The following CDH13 variants were observed in gnomAD, a reference collection of about 807,000 sequenced individuals.
CDH13 encodes the protein cadherin-13.
Under a neutral mutation model 63.8 loss-of-function variants are expected in CDH13, and 24 were observed. The observed-to-expected ratio is 0.38, with a 90% confidence interval of 0.27 to 0.53. CDH13 has a LOEUF of 0.53. CDH13 is among the 20% of genes least tolerant of loss of function. The pLI is 0.85. For synonymous variants in CDH13, 503 were observed against 355.3 expected (o/e 1.42, Z -4.67); for missense variants, 1,049 against 903.1 (o/e 1.16, Z -2.07).
chr16:83,649,262 T>C (rs181455046), intron 8 of CDH13, among the ~76,000 whole-genome samples: 185 of 152,362 alleles, frequency 1.2e-3, no homozygotes, highest in Non-Finnish European at 1.8e-3. Flanking sequence ...GAACAGTATG[T>C]TTTCTACTGT....
intron 1 of CDH13, among the ~76,000 whole-genome samples, chr16:82,699,748 C>G (rs530478121): frequency 6.6e-6 from 1 of 152,058 alleles, no homozygotes; most frequent in East Asian, 1.9e-4. Context: ...AACAGTGCCA[C>G]AGAACAAACG....
At chr16:83,704,794 T>C (rs1906760739) in intron 10 of CDH13, among the ~76,000 whole-genome samples, 1 of 152,224 alleles carries the variant, frequency 6.6e-6, no homozygotes, top group Non-Finnish European at 1.5e-5. Flanking sequence ...TGGAATTTTT[T>C]CCCAGTAACT....
At chr16:82,936,854 C>G (rs975796242) in intron 2 of CDH13, among the ~76,000 whole-genome samples, 5 of 152,038 alleles carry the variant, frequency 3.3e-5, no homozygotes, top group African/African-American at 1.2e-4. Flanking sequence ...CTTCGCCCAA[C>G]CATTTGCTTG....
At chr16:82,954,809 C>G (rs1232072497) in intron 2 of CDH13, 4 of 151,516 alleles carry the variant, frequency 2.6e-5, no homozygotes, top group African/African-American at 7.3e-5. Flanking sequence ...ATATCCTCAG[C>G]TCCTGGCAGC....
intron 5 of CDH13, among the ~76,000 whole-genome samples, chr16:83,328,011 T>C (rs2090402597): frequency 6.6e-6 from 1 of 151,758 alleles, no homozygotes; most frequent in African/African-American, 2.4e-5. Context: ...TGGGTGCCTG[T>C]AGTCCCAGCT....
At chr16:83,510,765 C>T (rs1233626941) in intron 7 of CDH13, among the ~76,000 whole-genome samples, 1 of 152,176 alleles carries the variant, frequency 6.6e-6, no homozygotes, top group South Asian at 2.1e-4. Context: ...TCACCACCCA[C>T]CTGTGCACAT....
chr16:83,691,865 A>G (rs965161110), intron 10 of CDH13, among the ~76,000 whole-genome samples: 1 of 152,170 alleles, frequency 6.6e-6, no homozygotes, highest in Non-Finnish European at 1.5e-5. Flanking sequence ...GTTACGATAT[A>G]GTAGCTGGCA....
At chr16:82,785,489 C>T (rs555717490) in intron 1 of CDH13, among the ~76,000 whole-genome samples, 19 of 152,264 alleles carry the variant, frequency 1.2e-4, no homozygotes, top group Admixed American at 3.3e-4. Context: ...ACCTGATGTC[C>T]GCAGCAGGCA....
rs1321391479 is a variant in CDH13 at position 82,866,384 on chromosome 16, T to C, written c.157+7911T>C. ...TCTTTTCTTTTTCTTCTTCTTTTTT[T>C]TTTTTTTTTTTTTTTTTTTTTTGAG... On this transcript the variant is annotated intron_variant, in intron 2 of 13. Transcript: ENST00000567109. Among the ~76,000 whole-genome samples the C allele has an allele frequency of 7.8e-5, 8 of 103,172 alleles. No homozygotes were observed. In the South Asian group the frequency reaches 1.5e-3, roughly 19 times the overall value. The allele number at this position is 103,172 out of a possible 152,430, so 67.7% of individuals were successfully genotyped here. A position where few individuals can be genotyped will look rare whatever the true frequency, so the allele number is the denominator to read the frequency against.
chr16:82,860,785 C>G (rs1007179552), intron 2 of CDH13, among the ~76,000 whole-genome samples: 3 of 152,116 alleles, frequency 2.0e-5, no homozygotes, highest in Admixed American at 6.5e-5. Context: ...TTGAGAATGC[C>G]TATTGAAAAT....
chr16:83,558,576 A>G (rs1423781442), intron 7 of CDH13, among the ~76,000 whole-genome samples: 1 of 152,212 alleles, frequency 6.6e-6, no homozygotes, highest in South Asian at 2.1e-4. Context: ...TAAAATCTAC[A>G]TCTAGTCAGA....
intron 6 of CDH13, among the ~76,000 whole-genome samples, chr16:83,388,289 A>T (rs1249894906): frequency 6.6e-6 from 1 of 150,788 alleles, no homozygotes; most frequent in Non-Finnish European, 1.5e-5. Context: ...TCTGGAAAAA[A>T]AAAAAAAAAA....
At chr16:83,349,829 G>C (rs2090914324) in intron 6 of CDH13, among the ~76,000 whole-genome samples, 2 of 152,054 alleles carry the variant, frequency 1.3e-5, no homozygotes, top group South Asian at 2.1e-4. Context: ...TTGAACTCCT[G>C]ACCTCAGGTT....
At chr16:82,695,430 G>C (rs7197632) in intron 1 of CDH13, among the ~76,000 whole-genome samples, 2 of 151,992 alleles carry the variant, frequency 1.3e-5, no homozygotes, top group African/African-American at 4.8e-5. Flanking sequence ...TTCTCCCTTC[G>C]ATCTGTTCCT....
At chr16:83,360,228 G>C (rs1281469912) in intron 6 of CDH13, among the ~76,000 whole-genome samples, 2 of 152,192 alleles carry the variant, frequency 1.3e-5, no homozygotes, top group Non-Finnish European at 2.9e-5. Flanking sequence ...GTCAAGATTA[G>C]TCTTGAGTTA....
chr16:83,583,580 G>A (rs1242090997), intron 7 of CDH13, among the ~76,000 whole-genome samples: 2 of 152,216 alleles, frequency 1.3e-5, no homozygotes, highest in Non-Finnish European at 2.9e-5. Flanking sequence ...TGGAGGGAAG[G>A]TAAGATTGCT....
intron 10 of CDH13, among the ~76,000 whole-genome samples, chr16:83,683,394 A>C (rs1915561046): frequency 6.6e-6 from 1 of 152,220 alleles, no homozygotes; most frequent in Non-Finnish European, 1.5e-5. Context: ...CAGACAAGGA[A>C]ATCCCTTTTC....
intron 3 of CDH13, among the ~76,000 whole-genome samples, chr16:83,034,423 G>A (rs1398266598): frequency 6.6e-6 from 1 of 152,170 alleles, no homozygotes; most frequent in Non-Finnish European, 1.5e-5. Flanking sequence ...CTGGATATTG[G>A]TGAATTCATA....
chr16:83,514,051 C>T (rs1015337207), intron 7 of CDH13, among the ~76,000 whole-genome samples: 4 of 152,146 alleles, frequency 2.6e-5, no homozygotes, highest in South Asian at 2.1e-4. Context: ...TTGTGTGCCT[C>T]GTAGGAATAC....
Sources: gnomAD v4.1 joint callset for allele counts (sites outside exome capture counted in the v4.1 genomes callset) on GRCh38, gnomAD v4.1.1 for gene constraint, MANE v1.5 for transcripts, NCBI Gene and HGNC (gene_info 2026-07-23, HGNC 2026-07-21) for gene names.